The following SPOCK3 variants were observed in gnomAD, a reference collection of about 807,000 sequenced individuals.
SPOCK3 encodes the protein testican-3.
Under a neutral mutation model 56.6 loss-of-function variants are expected in SPOCK3, and 30 were observed. The ratio of observed to expected loss-of-function variants is 0.53; its 90% CI spans 0.40 to 0.72. SPOCK3 has a LOEUF of 0.72. Ranked by LOEUF, SPOCK3 falls within the 30% of genes least tolerant of loss-of-function variation. The pLI is 0.00. For missense variants in SPOCK3, 527 were observed against 530.0 expected, an observed-to-expected ratio of 0.99 and a Z score of 0.06; for synonymous variants, 196 against 183.3, an observed-to-expected ratio of 1.07 and a Z score of -0.56.
intron 7 of SPOCK3, among the ~76,000 whole-genome samples, chr4:166,791,883 C>T (rs749186825): frequency 1.3e-4 from 20 of 152,120 alleles, no homozygotes; most frequent in Admixed American, 8.5e-4. Flanking sequence ...TTGTTCTACT[C>T]TTTACCACCT....
intron 6 of SPOCK3, among the ~76,000 whole-genome samples, chr4:166,841,045 T>C (rs1046084057): frequency 7.2e-5 from 11 of 152,194 alleles, no homozygotes; most frequent in African/African-American, 2.4e-4. Flanking sequence ...CCCAAAGAGC[T>C]AGGATTACAG....
At chr4:167,166,914 G>A (rs529930532) in intron 2 of SPOCK3, among the ~76,000 whole-genome samples, 3 of 152,082 alleles carry the variant, frequency 2.0e-5, no homozygotes, top group Admixed American at 6.6e-5. Flanking sequence ...TTTTCATAAC[G>A]AATTACACTT....
chr4:167,182,482 G>GAA (rs531887896), intron 2 of SPOCK3, among the ~76,000 whole-genome samples: 1 of 141,138 alleles, frequency 7.1e-6, no homozygotes, highest in Non-Finnish European at 1.5e-5. Flanking sequence ...GAAGTCAATG[G>GAA]AAAAAAAAAA....
intron 4 of SPOCK3, among the ~76,000 whole-genome samples, chr4:166,984,283 C>A (rs1746901153): frequency 6.6e-6 from 1 of 151,840 alleles, no homozygotes; most frequent in South Asian, 2.1e-4. Flanking sequence ...TATGGCTTTC[C>A]AGAATCTAGT....
intron 4 of SPOCK3, among the ~76,000 whole-genome samples, chr4:166,960,332 G>A (rs531181219): frequency 6.6e-6 from 1 of 152,306 alleles, no homozygotes; most frequent in South Asian, 2.1e-4. Context: ...AGGCCACAAT[G>A]AGGGATATAA....
At chr4:167,058,492 A>C (rs1397121289) in intron 3 of SPOCK3, among the ~76,000 whole-genome samples, 2 of 151,864 alleles carry the variant, frequency 1.3e-5, no homozygotes, top group African/African-American at 4.9e-5. Context: ...TGCTCAATGA[A>C]ATAAAAGAGG....
At chr4:166,799,126 A>G (rs183106713) in intron 6 of SPOCK3, among the ~76,000 whole-genome samples, 130 of 152,282 alleles carry the variant, frequency 8.5e-4, no homozygotes, top group Non-Finnish European at 1.5e-3. Flanking sequence ...TTTCAAGCCT[A>G]TTATCAATAA....
chr4:167,112,135 T>C (rs1017357584), intron 2 of SPOCK3, among the ~76,000 whole-genome samples: 2 of 152,150 alleles, frequency 1.3e-5, no homozygotes, highest in African/African-American at 2.4e-5. Context: ...AATCTATATA[T>C]ATGCTTTATC....
chr4:167,100,176 G>A (rs1387779250), intron 2 of SPOCK3, among the ~76,000 whole-genome samples: 1 of 152,076 alleles, frequency 6.6e-6, no homozygotes, highest in Non-Finnish European at 1.5e-5. Flanking sequence ...CAACCAAGGT[G>A]TAATTTGCCA....
At chr4:167,129,858 C>T (rs1762566410) in intron 2 of SPOCK3, among the ~76,000 whole-genome samples, 1 of 152,118 alleles carries the variant, frequency 6.6e-6, no homozygotes, top group African/African-American at 2.4e-5. Flanking sequence ...TAAAGTTGCA[C>T]TAAAATTTCT....
rs1182314094 is a variant in SPOCK3, at chr4:166,860,815, A to ATATATATATATATG, written c.589+28314_589+28315insCATATATATATATA. On this transcript the variant is annotated intron_variant, in intron 6 of 10. Transcript: ENST00000357545. ...CACACACAAATTCATATATATATAT[A>ATATATATATATATG]TGTATATATATATATGCATAAAATA... is the stretch of plus-strand genomic sequence containing the variant. Among the ~76,000 whole-genome samples, 31 of 144,624 alleles carry ATATATATATATATG rather than the reference A, an allele frequency of 2.1e-4. 1 individual carries two copies. The highest frequency in any genetic ancestry group is 1.9e-3 in the Admixed American group (27 of 14,420). 94.9% of individuals were successfully genotyped at this position (144,624 alleles called of 152,430 possible).
At chr4:167,234,377 G>A in intron 1 of SPOCK3, 73 bp downstream of exon 1, 1 of 608,304 alleles carries the variant, frequency 1.6e-6, no homozygotes, top group Non-Finnish European at 2.9e-6. Flanking sequence ...CAGAGGAGGA[G>A]AGGTGGGTAT....
rs528912831 is a variant in SPOCK3, at chr4:167,169,245, T to C, written c.189+64740A>G. Among the ~76,000 whole-genome samples, 203 of 152,260 alleles carry C rather than the reference T, an allele frequency of 1.3e-3. 1 individual carries two copies. The highest frequency in any genetic ancestry group is 4.4e-3 in the African/African-American group (184 of 41,562). ...CACTATCCTCCAGAACCCAGAATAG[T>C]GGATCCACTGACAGCTTGCAATGTG... On this transcript the variant is annotated intron_variant, in intron 2 of 10. Coordinates refer to ENST00000357545, the MANE Select transcript of SPOCK3 (RefSeq NM_001040159.2).
At chr4:167,177,826 ATTTC>A (rs1731115855) in intron 2 of SPOCK3, among the ~76,000 whole-genome samples, 1 of 152,198 alleles carries the variant, frequency 6.6e-6, no homozygotes, top group Middle Eastern at 3.4e-3. Context: ...GTTCTGTGAG[ATTTC>A]TTTATGTCTC....
chr4:167,116,913 G>GTATATATATATATATATATATATA (rs70957813), intron 2 of SPOCK3, among the ~76,000 whole-genome samples: 1 of 121,534 alleles, frequency 8.2e-6, no homozygotes, highest in Non-Finnish European at 1.7e-5. Context: ...GTGTGTGTGT[G>GTATATATATATATATATATATATA]TATATATATA....
intron 2 of SPOCK3, among the ~76,000 whole-genome samples, chr4:167,119,306 G>A (rs959466354): frequency 6.6e-6 from 1 of 152,146 alleles, no homozygotes; most frequent in Admixed American, 6.6e-5. Context: ...CATAGAGGGT[G>A]TGATCAGAGA....
At chr4:167,185,807 GAACC>G (rs1731897851) in intron 2 of SPOCK3, among the ~76,000 whole-genome samples, 1 of 151,946 alleles carries the variant, frequency 6.6e-6, no homozygotes, top group Admixed American at 6.6e-5. Context: ...GATTTTTTTT[GAACC>G]AACGAGTTTC....
intron 3 of SPOCK3, among the ~76,000 whole-genome samples, chr4:167,017,316 C>G (rs1327941727): frequency 6.6e-6 from 1 of 152,032 alleles, no homozygotes; most frequent in Admixed American, 6.6e-5. Context: ...TCTTAATAAC[C>G]TTGGGAGGAG....
intron 2 of SPOCK3, among the ~76,000 whole-genome samples, chr4:167,116,691 A>G (rs1409100189): frequency 5.3e-5 from 5 of 94,072 alleles, no homozygotes; most frequent in Non-Finnish European, 8.1e-5. Context: ...ATATACACAC[A>G]TATAGTATAT....
Sources: gnomAD v4.1 joint callset for allele counts (sites outside exome capture counted in the v4.1 genomes callset) on GRCh38, gnomAD v4.1.1 for gene constraint, MANE v1.5 for transcripts, NCBI Gene and HGNC (gene_info 2026-07-23, HGNC 2026-07-21) for gene names.